Variants in FANCD2 observed in about 807,000 individuals in gnomAD.
FANCD2 encodes the protein FA complementation group D2.
FANCD2 carries 131 observed loss-of-function variants against 192.3 expected under a neutral mutation model. That is an observed-to-expected ratio of 0.68 (90% CI 0.59 to 0.79). The LOEUF (loss-of-function observed/expected upper bound fraction) is 0.79. FANCD2 is among the 30% of genes least tolerant of loss of function. The pLI is 0.00. For missense variants in FANCD2, 1,508 were observed against 1,701.6 expected (o/e 0.89, Z 2.00); for synonymous variants, 524 against 612.5 (o/e 0.86, Z 2.13).
chr3:10,048,024 T>G lies in FANCD2; in HGVS notation c.1386T>G (p.Phe462Leu), dbSNP rs1329172269. Residue 462 changes from phenylalanine to leucine, a missense_variant, in exon 16 of 44, where the codon TTT becomes TTG. By Grantham distance (22) the Phe-to-Leu change is conservative. This residue lies in a region of FANCD2 where 108 missense variants were observed against 174.1 expected (regional missense o/e 0.62). Coordinates refer to ENST00000675286, the MANE Select transcript of FANCD2 (RefSeq NM_001018115.3). ...GCAGTCTCCTATACAAATATGCATTTAAGTTTTTTGACACGTACTGCCAGC... is the reference window on the plus strand; with the variant it reads ...GCAGTCTCCTATACAAATATGCATTGAAGTTTTTTGACACGTACTGCCAGC... ...SFGSLLYKYA[F>L]KFFDTYCQQE... 10 of 1,614,276 alleles carry G rather than the reference T, an allele frequency of 6.2e-6. No homozygotes were observed. Among genetic ancestry groups the G allele is most frequent in the Non-Finnish European group, 8.5e-6 (10 of 1,180,058 alleles).
At chr3:10,038,291 G>GA (rs2086780600) in intron 7 of FANCD2, among the ~76,000 whole-genome samples, 1 of 151,974 alleles carries the variant, frequency 6.6e-6, no homozygotes, top group Non-Finnish European at 1.5e-5. Context: ...TGCACCCACT[G>GA]AAGGTTTATT....
At chr3:10,092,333 T>G in intron 38 of FANCD2, 81 bp downstream of exon 38, 1 of 1,067,596 alleles carries the variant, frequency 9.4e-7, no homozygotes, top group East Asian at 2.4e-5. Context: ...GGACTTTCCT[T>G]GCTCCTCTTC....
intron 26 of FANCD2, among the ~76,000 whole-genome samples, chr3:10,071,125 TAAAAAAAAAAAAAGAAAAAAAG>T (rs1303155746): frequency 1.1e-3 from 86 of 77,936 alleles, no homozygotes; most frequent in Middle Eastern, 7.9e-3. Flanking sequence ...GAATGATCGA[TAAAAAAAAAAAAAGAAAAAAAG>T]AAAAAAAAAA....
Position 10,034,515 on chromosome 3 carries a change from G to A in FANCD2, c.252G>A (p.Arg84=), listed in dbSNP as rs755028947. 1 of 1,612,506 alleles carries A rather than the reference G, an allele frequency of 6.2e-7. No individual in the cohort carries two copies. ...AFQKKLFQTL[R]RHPSYPKIIE... is the part of the protein sequence containing the mutation. ...AAAAGAAGCTCTTTCAGACCCTGAG[G>A]AGACACCCTTCCTATCCCAAAGTAT... Residue 84 remains arginine (R), a synonymous_variant, in exon 4 of 44, where the codon AGG becomes AGA. Coordinates refer to ENST00000675286, the MANE Select transcript of FANCD2 (RefSeq NM_001018115.3).
chr3:10,036,271 A>C lies in FANCD2; in HGVS notation c.439-16A>C. 1.2e-6 allele frequency: 2 copies of C among 1,602,190 alleles called. No homozygotes were observed. Among genetic ancestry groups the C allele is most frequent in the Non-Finnish European group, 1.7e-6 (2 of 1,170,326 alleles). ...TTTTGAGATCATCTCCTAACTCCCTATGTCTTCTTTTTTAGCCTGCCATTA... is the reference window on the plus strand; with the variant it reads ...TTTTGAGATCATCTCCTAACTCCCTCTGTCTTCTTTTTTAGCCTGCCATTA... On this transcript the variant is annotated splice_polypyrimidine_tract_variant and intron_variant, in intron 6 of 43. Coordinates refer to ENST00000675286, the MANE Select transcript of FANCD2 (RefSeq NM_001018115.3).
At chr3:10,028,767 G>A (rs765845616) in intron 2 of FANCD2, 46 bp downstream of exon 2, 1 of 1,478,280 alleles carries the variant, frequency 6.8e-7, no homozygotes, top group Non-Finnish European at 9.5e-7. Flanking sequence ...AGCAATGTGT[G>A]AGGCATGTGA....
rs201756450 is a variant in FANCD2 at position 10,090,272 on chromosome 3, A to C, written c.3684-20A>C. Reference sequence around the variant, plus strand: ...GCAGTGCATCATGGTGTGGGCACGCATGCTTTTCCCGTCTTCTAGGCATAC... The same window carrying C: ...GCAGTGCATCATGGTGTGGGCACGCCTGCTTTTCCCGTCTTCTAGGCATAC... On this transcript the variant is annotated intron_variant, in intron 36 of 43. Transcript: ENST00000675286. 2 of 1,592,290 alleles carry C rather than the reference A, an allele frequency of 1.3e-6. No homozygotes were observed. The highest frequency in any genetic ancestry group is 2.7e-5 in the African/African-American group (2 of 74,568).
At chr3:10,032,068 C>T (rs942668934) in intron 2 of FANCD2, among the ~76,000 whole-genome samples, 1 of 152,160 alleles carries the variant, frequency 6.6e-6, no homozygotes, top group African/African-American at 2.4e-5. Flanking sequence ...TGGTCTTGAA[C>T]TCCTGACCTC....
chr3:10,065,897 G>A lies in FANCD2; in HGVS notation c.2303G>A (p.Gly768Glu). 6.2e-7 allele frequency: 1 copy of A among 1,613,300 alleles called. No homozygotes were observed. The highest frequency in any genetic ancestry group is 8.5e-7 in the Non-Finnish European group (1 of 1,179,250). ...ATATTCCTAACTGACCTGGAGCCTG[G>A]AGAGAAGTTGGAGTCCATGTCTGCT... ...CPIFLTDLEPGEKLESMSAKE... is the reference protein window; with the variant it reads ...CPIFLTDLEPEEKLESMSAKE... Residue 768 changes from glycine (G) to glutamate (E), a missense_variant, in exon 25 of 44, where the codon GGA becomes GAA. Physicochemically the swap from Gly to Glu is moderately conservative, Grantham distance 98 (BLOSUM62 -2). Around this residue, in one of 5 missense-constraint regions of FANCD2, gnomAD observed 796 missense variants for 879.4 expected, o/e 0.91. Transcript: ENST00000675286.
At chr3:10,069,487 CT>C (rs1360271906) in intron 26 of FANCD2, among the ~76,000 whole-genome samples, 5 of 142,880 alleles carry the variant, frequency 3.5e-5, no homozygotes, top group Admixed American at 2.7e-4. Context: ...CCCCCTCCCC[CT>C]CTCCCGTCTC....
chr3:10,040,447 T>G (rs1448043539), intron 9 of FANCD2: 3 of 454,484 alleles, frequency 6.6e-6, no homozygotes, highest in Non-Finnish European at 1.3e-5. Flanking sequence ...TAAGTTTCAT[T>G]AACTTGTTCT....
intron 9 of FANCD2, 59 bp downstream of exon 9, chr3:10,039,904 C>A: frequency 1.2e-6 from 2 of 1,603,328 alleles, no homozygotes; most frequent in Non-Finnish European, 1.7e-6. Flanking sequence ...TCTATCACTG[C>A]AGTATGCAAA....
chr3:10,034,626 A>G, intron 4 of FANCD2, 69 bp from the exon 5 acceptor site: 1 of 1,498,284 alleles, frequency 6.7e-7, no homozygotes, highest in South Asian at 1.1e-5. Flanking sequence ...TGAGTGGGCT[A>G]GAATGATTTT....
chr3:10,072,999 CTCTTG>C lies in FANCD2; in HGVS notation c.2605+25_2605+29del, dbSNP rs1278623181. On this transcript the variant is annotated intron_variant, in intron 27 of 43. Transcript: ENST00000675286. ...AAAAATAGGTAAGTATGTTCTTTTC[CTCTTG>C]TCTTGTGTCTCTAAATAAGCTTCAT... 9 of 1,386,390 alleles carry C rather than the reference CTCTTG, an allele frequency of 6.5e-6. No individual in the cohort carries two copies. In the Admixed American group the frequency reaches 8.4e-5, roughly 13 times the overall value. 85.9% of individuals were successfully genotyped at this position (1,386,390 alleles called of 1,614,324 possible).
In FANCD2 at chr3:10,046,055, C is replaced by CTTTTTTTTTTTTTTT. The variant is rs57661428; in HGVS notation, c.1135-524_1135-510dup. Among the ~76,000 whole-genome samples the CTTTTTTTTTTTTTTT allele has an allele frequency of 4.5e-4, 56 of 124,408 alleles. 3 individuals carry two copies. The highest frequency in any genetic ancestry group is 6.9e-4 in the African/African-American group (21 of 30,350). 81.6% of individuals were successfully genotyped at this position (124,408 alleles called of 152,430 possible). A position where few individuals can be genotyped will look rare whatever the true frequency, so the allele number is the denominator to read the frequency against. On this transcript the variant is annotated intron_variant, in intron 14 of 43. Coordinates refer to ENST00000675286, the MANE Select transcript of FANCD2 (RefSeq NM_001018115.3). ...ACTTTCATGCATATTGCTCTGTATT[C>CTTTTTTTTTTTTTTT]TTTTTTTTTTTTTTTGAGAATGGAA...
intron 25 of FANCD2, 114 bp from the exon 26 acceptor site, chr3:10,067,095 A>T: frequency 1.3e-6 from 1 of 756,898 alleles, no homozygotes; most frequent in Non-Finnish European, 2.3e-6. Context: ...TCTATTACAG[A>T]CTAAACTCAA....
chr3:10,094,720 C>G (rs182295557), intron 40 of FANCD2: 4 of 321,348 alleles, frequency 1.2e-5, no homozygotes, highest in Non-Finnish European at 2.4e-5. Context: ...AAAAAAAAAG[C>G]TCATTTGTGT....
At chr3:10,027,312 G>A (rs2086476701) in intron 1 of FANCD2, among the ~76,000 whole-genome samples, 1 of 152,166 alleles carries the variant, frequency 6.6e-6, no homozygotes, top group South Asian at 2.1e-4. Context: ...GGGATAGGAG[G>A]AACACTTTTC....
At chr3:10,046,919 T>C (rs966697246) in intron 15 of FANCD2, among the ~76,000 whole-genome samples, 196 bp downstream of exon 15, 4 of 152,308 alleles carry the variant, frequency 2.6e-5, no homozygotes, top group Non-Finnish European at 5.9e-5. Flanking sequence ...CCTATTTAAG[T>C]AGCTTATAAA....
Sources: allele counts gnomAD v4.1 joint callset (sites outside exome capture counted in the v4.1 genomes callset), GRCh38; gene constraint gnomAD v4.1.1; regional missense constraint gnomAD v4.1.1; transcripts MANE v1.5; gene names NCBI Gene and HGNC (gene_info 2026-07-23, HGNC 2026-07-21).